The following RFTN1 variants were observed in gnomAD, a reference collection of about 807,000 sequenced individuals.
RFTN1 encodes the protein raftlin.
In RFTN1, 26 loss-of-function variants were observed where a neutral mutation model predicts 46.5. The observed-to-expected ratio is 0.56, with a 90% CI of 0.41 to 0.78. RFTN1 has a LOEUF of 0.78. Among genes scored for constraint, RFTN1 ranks in the 30% least tolerant of loss-of-function variants. The pLI, the probability that RFTN1 is intolerant of heterozygous loss-of-function variation, is 0.00. For missense variants in RFTN1, 693 were observed against 718.7 expected, an observed-to-expected ratio of 0.96 and a Z score of 0.41; for synonymous variants, 261 against 284.2, an observed-to-expected ratio of 0.92 and a Z score of 0.82.
chr3:16,426,849 T>G lies in RFTN1; in HGVS notation c.332+7002A>C, dbSNP rs1240092500. ...TGTAGCAAAATTCCAGGGCATGGTTTTATCCCACTCAATTCATGCAAAATC... is the reference window on the plus strand; with the variant it reads ...TGTAGCAAAATTCCAGGGCATGGTTGTATCCCACTCAATTCATGCAAAATC... On this transcript the variant is annotated intron_variant, in intron 3 of 9. Coordinates refer to ENST00000334133, the MANE Select transcript of RFTN1 (RefSeq NM_015150.2). This position sits in a 1 kb window ranked among gnomAD's most constrained non-coding sequence, Gnocchi z 5.9. Among the ~76,000 whole-genome samples, 1 of 152,204 alleles carries G rather than the reference T, an allele frequency of 6.6e-6. No homozygotes were observed. Among genetic ancestry groups the G allele is most frequent in the Admixed American group, 6.5e-5 (1 of 15,284 alleles).
intron 3 of RFTN1, chr3:16,416,028 T>A: frequency 4.3e-6 from 1 of 234,392 alleles, no homozygotes; most frequent in Non-Finnish European, 8.8e-6. Context: ...ATCTTGCTGC[T>A]GAGTCATTTC....
intron 1 of RFTN1, among the ~76,000 whole-genome samples, chr3:16,505,391 A>G (rs2076786364): frequency 6.6e-6 from 1 of 152,136 alleles, no homozygotes; most frequent in South Asian, 2.1e-4. Flanking sequence ...CGTACCTCTC[A>G]TCTTCTCTAT....
At position 16,460,010 on chromosome 3, in the gene RFTN1, A is replaced by C. The variant is rs2075981192; in HGVS notation, c.146-25973T>G. 3.3e-5 allele frequency among the ~76,000 whole-genome samples: 5 copies of C among 152,216 alleles called. No homozygotes were observed. Among genetic ancestry groups the C allele is most frequent in the Admixed American group, 2.0e-4 (3 of 15,290 alleles). On this transcript the variant is annotated intron_variant, in intron 2 of 9. Transcript: ENST00000334133. This position sits in a 1 kb window ranked among gnomAD's most constrained non-coding sequence, Gnocchi z 4.8. ...CATGAATTTTCCATATGATTGACTTATTTCAATGCTTTGAGTGGGCATAGC... is the reference window on the plus strand; with the variant it reads ...CATGAATTTTCCATATGATTGACTTCTTTCAATGCTTTGAGTGGGCATAGC...
intron 1 of RFTN1, among the ~76,000 whole-genome samples, chr3:16,508,188 C>G (rs1191950762): frequency 6.6e-6 from 1 of 152,176 alleles, no homozygotes; most frequent in South Asian, 2.1e-4. Context: ...GTACTGTACA[C>G]CCCAGCAGAG....
rs1378405968 is a variant in RFTN1, at chr3:16,374,844, C to T, written c.826+2874G>A. ...ATAAGTCAGCGAGCAGGAAGAGGAA[C>T]CCACGGCGGGCCTCCCCAAGAACCT... On this transcript the variant is annotated intron_variant, in intron 5 of 9. Transcript: ENST00000334133. This position sits in a 1 kb window ranked among gnomAD's most constrained non-coding sequence, Gnocchi z 5.4. 1.3e-5 allele frequency among the ~76,000 whole-genome samples: 2 copies of T among 152,134 alleles called. No individual in the cohort carries two copies. The highest frequency in any genetic ancestry group is 4.8e-5 in the African/African-American group (2 of 41,430).
rs1384870595 is a variant in RFTN1 at position 16,480,328 on chromosome 3, C to T, written c.145+13397G>A. ...GATGCCCAAGTGAAATAATCCCTTC[C>T]CTCTTTTAAGAGGGCCCAATGAGGC... On this transcript the variant is annotated intron_variant, in intron 2 of 9. Coordinates refer to ENST00000334133, the MANE Select transcript of RFTN1 (RefSeq NM_015150.2). The surrounding 1 kb of genome is among the most constrained non-coding windows in gnomAD (Gnocchi z 4.3). Among the ~76,000 whole-genome samples, 1 of 152,192 alleles carries T rather than the reference C, an allele frequency of 6.6e-6. No homozygotes were observed. The highest frequency in any genetic ancestry group is 1.5e-5 in the Non-Finnish European group (1 of 68,032).
chr3:16,502,404 GAAAGA>G (rs376852619), intron 1 of RFTN1, among the ~76,000 whole-genome samples: 13 of 150,680 alleles, frequency 8.6e-5, no homozygotes, highest in African/African-American at 2.9e-4. Context: ...AAAAAAGAAA[GAAAGA>G]AAAGAAAAGA....
In RFTN1 at chr3:16,390,244, CACAGGAAATACCAG is replaced by C. The variant is rs1559316867; in HGVS notation, c.442-12156_442-12143del. Reference sequence around the variant, plus strand: ...ACAGTGATCGTCACTAATCCATACCCACAGGAAATACCAGACTGCAATGATTTTGTAAAGTGTAA... The same window carrying C: ...ACAGTGATCGTCACTAATCCATACCCACTGCAATGATTTTGTAAAGTGTAA... On this transcript the variant is annotated intron_variant, in intron 4 of 9. Coordinates refer to ENST00000334133, the MANE Select transcript of RFTN1 (RefSeq NM_015150.2). Among the ~76,000 whole-genome samples the C allele has an allele frequency of 4.6e-5, 7 of 152,292 alleles. No individual in the cohort carries two copies. The South Asian group carries it at 1.2e-3, about 27-fold the overall frequency.
chr3:16,373,105 G>A (rs1342516896), intron 5 of RFTN1, among the ~76,000 whole-genome samples: 6 of 152,172 alleles, frequency 3.9e-5, no homozygotes, highest in Non-Finnish European at 5.9e-5. Flanking sequence ...GAAGCCCCAC[G>A]TTTGTTTAAA....
chr3:16,494,592 A>G (rs923013674), intron 1 of RFTN1, among the ~76,000 whole-genome samples: 4 of 152,244 alleles, frequency 2.6e-5, no homozygotes, highest in African/African-American at 9.6e-5. Context: ...GTATTACAGC[A>G]AAAATCTGTA....
intron 1 of RFTN1, among the ~76,000 whole-genome samples, chr3:16,510,454 T>C (rs2076878758): frequency 6.6e-6 from 1 of 152,206 alleles, no homozygotes; most frequent in African/African-American, 2.4e-5. Context: ...TCTCTAAAAA[T>C]AAAATATTCA....
At position 16,378,061 on chromosome 3, in the gene RFTN1, A is replaced by G. The variant is rs1324601892; in HGVS notation, c.483T>C (p.Val161=). Residue 161 remains valine (V), a synonymous_variant, in exon 5 of 10, where the codon GTT becomes GTC. Coordinates refer to ENST00000334133, the MANE Select transcript of RFTN1 (RefSeq NM_015150.2). ...TCACAGAGGAATGGTACTGAGGTAT[A>G]ACACCAACGAATTTCAGGCCCTGGC... ...AASQGLKFVG[V]IPQYHSSVNS... 1 of 1,612,168 alleles carries G rather than the reference A, an allele frequency of 6.2e-7. No homozygotes were observed. The highest frequency in any genetic ancestry group is 8.5e-7 in the Non-Finnish European group (1 of 1,178,200).
At chr3:16,368,987 A>G (rs1575154092) in intron 6 of RFTN1, among the ~76,000 whole-genome samples, 1 of 152,212 alleles carries the variant, frequency 6.6e-6, no homozygotes, top group East Asian at 1.9e-4. Context: ...CATGCATTCA[A>G]CAAATGGTTA....
At chr3:16,445,374 C>T (rs1345894625) in intron 2 of RFTN1, among the ~76,000 whole-genome samples, 1 of 151,676 alleles carries the variant, frequency 6.6e-6, no homozygotes, top group Non-Finnish European at 1.5e-5. Flanking sequence ...GATGAGTCCC[C>T]CTCCCTCATC....
chr3:16,422,185 AT>A lies in RFTN1; in HGVS notation c.332+11665del, dbSNP rs1175943497. Among the ~76,000 whole-genome samples, 1 of 152,246 alleles carries A rather than the reference AT, an allele frequency of 6.6e-6. No homozygotes were observed. Among genetic ancestry groups the A allele is most frequent in the Non-Finnish European group, 1.5e-5 (1 of 68,050 alleles). On this transcript the variant is annotated intron_variant, in intron 3 of 9. Transcript: ENST00000334133. This position sits in a 1 kb window ranked among gnomAD's most constrained non-coding sequence, Gnocchi z 4.6. ...TTTACCTCCAATAATAATATTGAAC[AT>A]TATGTTCTTGAAAACACAAGGTGGA...
rs763832183 is a variant in RFTN1, at chr3:16,433,080, A to C, written c.332+771T>G. Among the ~76,000 whole-genome samples, 2 of 152,212 alleles carry C rather than the reference A, an allele frequency of 1.3e-5. No individual in the cohort carries two copies. On this transcript the variant is annotated intron_variant, in intron 3 of 9. Transcript: ENST00000334133. This position sits in a 1 kb window ranked among gnomAD's most constrained non-coding sequence, Gnocchi z 4.4. ...ATTCCTTCTATGATAGTTGGCCAAA[A>C]GACAAATCTGATTTCCTTTCCCAGA...
chr3:16,484,018 G>A lies in RFTN1; in HGVS notation c.145+9707C>T, dbSNP rs2076408679. On this transcript the variant is annotated intron_variant, in intron 2 of 9. Transcript: ENST00000334133. This position sits in a 1 kb window ranked among gnomAD's most constrained non-coding sequence, Gnocchi z 4.6. The stretch of plus-strand genomic sequence containing the variant: ...GATTAGTTTTAAAGGCTTTTCTGGA[G>A]ATTGACATTATTTTAGATGAGGCCA... Among the ~76,000 whole-genome samples the A allele has an allele frequency of 6.6e-6, 1 of 152,156 alleles. No individual in the cohort carries two copies. The highest frequency in any genetic ancestry group is 2.1e-4 in the South Asian group (1 of 4,828).
intron 6 of RFTN1, among the ~76,000 whole-genome samples, chr3:16,360,997 GTTTTC>G (rs954364810): frequency 6.6e-6 from 1 of 152,166 alleles, no homozygotes; most frequent in Non-Finnish European, 1.5e-5. Flanking sequence ...TATAATTTGA[GTTTTC>G]TTTTATATCC....
At position 16,317,486 on chromosome 3, in the gene RFTN1, ATTTC is replaced by A. The variant is rs2068533617; in HGVS notation, c.1333-258_1333-255del. ...TCAGGTTCTGTTGGGGCAGAGCAGTATTTCTTTTGACTGGCTCTATACCAAAGGC... is the reference window on the plus strand; with the variant it reads ...TCAGGTTCTGTTGGGGCAGAGCAGTATTTTGACTGGCTCTATACCAAAGGC... On this transcript the variant is annotated intron_variant, in intron 9 of 9. Coordinates refer to ENST00000334133, the MANE Select transcript of RFTN1 (RefSeq NM_015150.2). The surrounding 1 kb of genome is among the most constrained non-coding windows in gnomAD (Gnocchi z 4.3). 6.6e-6 allele frequency among the ~76,000 whole-genome samples: 1 copy of A among 152,052 alleles called. No homozygotes were observed. Among genetic ancestry groups the A allele is most frequent in the Admixed American group, 6.5e-5 (1 of 15,280 alleles).
Sources: gnomAD v4.1 joint callset for allele counts (sites outside exome capture counted in the v4.1 genomes callset) on GRCh38, gnomAD v4.1.1 for gene constraint, Gnocchi (gnomAD v3.1) non-coding constraint, MANE v1.5 for transcripts, NCBI Gene and HGNC (gene_info 2026-07-23, HGNC 2026-07-21) for gene names.